OGFRL1: variants seen among roughly 807,000 people sequenced by gnomAD.
OGFRL1 encodes opioid growth factor receptor-like protein 1.
A neutral mutation model predicts 32.4 loss-of-function variants in OGFRL1; 26 were observed. The observed-to-expected ratio is 0.80, with a 90% CI of 0.59 to 1.11. The LOEUF is 1.11. Among genes scored for constraint, OGFRL1 ranks in the 50% most tolerant of loss-of-function variants. The pLI, the probability that OGFRL1 is intolerant of heterozygous loss-of-function variation, is 0.00. For synonymous variants in OGFRL1, 211 were observed against 201.2 expected, an observed-to-expected ratio of 1.05 and a Z score of -0.41; for missense variants, 521 against 546.4, an observed-to-expected ratio of 0.95 and a Z score of 0.46.
chr6:71,297,833 AG>A (rs1304674849), intron 6 of OGFRL1, among the ~76,000 whole-genome samples: 1 of 151,748 alleles, frequency 6.6e-6, no homozygotes, highest in Non-Finnish European at 1.5e-5. Flanking sequence ...TTTAAGTTTT[AG>A]GGTACATGTG....
At chr6:71,299,534 CTA>C (rs2149355758) in intron 6 of OGFRL1, among the ~76,000 whole-genome samples, 1 of 152,220 alleles carries the variant, frequency 6.6e-6, no homozygotes, top group East Asian at 1.9e-4. Flanking sequence ...CTAAGATTGG[CTA>C]TATAAAATTG....
chr6:71,307,010 GTTC>G lies in OGFRL1; in HGVS notation c.*4964_*4966del, dbSNP rs1766571649. 6.6e-6 allele frequency: 1 copy of G among 152,108 alleles called. No homozygotes were observed. The highest frequency in any genetic ancestry group is 2.4e-5 in the African/African-American group (1 of 41,424). 9.4% of individuals were successfully genotyped at this position (152,108 alleles called of 1,614,324 possible). A position where few individuals can be genotyped will look rare whatever the true frequency, so the allele number is the denominator to read the frequency against. ...GCATTTTTCCTAGACTACAGAGAGT[GTTC>G]TTTGTCATTTTTTTTCCTATTCTGT... On this transcript the variant is annotated 3_prime_UTR_variant, in exon 7 of 7. Coordinates refer to ENST00000370435, the MANE Select transcript of OGFRL1 (RefSeq NM_024576.5).
chr6:71,301,357 C>A (rs1766379279), intron 6 of OGFRL1, 29 bp from the exon 7 acceptor site: 4 of 1,509,098 alleles, frequency 2.7e-6, no homozygotes, highest in South Asian at 1.3e-5. Context: ...TGATTTCCCC[C>A]ACTCATTTTA....
In OGFRL1 at chr6:71,306,407, T is replaced by C. The variant is rs1165210276; in HGVS notation, c.*4358T>C. The C allele has an allele frequency of 6.6e-6, 1 of 152,174 alleles. No individual in the cohort carries two copies. The highest frequency in any genetic ancestry group is 1.5e-5 in the Non-Finnish European group (1 of 68,028). 9.4% of individuals were successfully genotyped at this position (152,174 alleles called of 1,614,324 possible). A position where few individuals can be genotyped will look rare whatever the true frequency, so the allele number is the denominator to read the frequency against. ...GCAGATTGTGTTCAGGGACAGAATG[T>C]GTTTTTAGAAATCCCTTATTATTGA... On this transcript the variant is annotated 3_prime_UTR_variant, in exon 7 of 7. Transcript: ENST00000370435.
chr6:71,293,654 C>G, intron 3 of OGFRL1, 43 bp downstream of exon 3: 1 of 1,262,118 alleles, frequency 7.9e-7, no homozygotes, highest in East Asian at 2.3e-5. Flanking sequence ...TAAATAATCA[C>G]ATACACTTGG....
chr6:71,290,686 C>G (rs1766024463), intron 1 of OGFRL1, among the ~76,000 whole-genome samples: 1 of 152,164 alleles, frequency 6.6e-6, no homozygotes, highest in Admixed American at 6.5e-5. Context: ...GTTGTCTATT[C>G]CTCAGAGTCA....
intron 1 of OGFRL1, chr6:71,289,714 C>T (rs1317026258): frequency 1.3e-5 from 13 of 985,204 alleles, no homozygotes; most frequent in Non-Finnish European, 1.6e-5. Context: ...GGCCTTTCAA[C>T]CTAGGATTCA....
intron 6 of OGFRL1, among the ~76,000 whole-genome samples, chr6:71,300,519 G>A (rs947218976): frequency 3.9e-5 from 6 of 152,126 alleles, no homozygotes; most frequent in Admixed American, 3.9e-4. Context: ...AGAATGACCA[G>A]AGATTGAAGA....
intron 6 of OGFRL1, among the ~76,000 whole-genome samples, chr6:71,297,148 A>G (rs1006299533): frequency 1.3e-5 from 2 of 152,114 alleles, no homozygotes; most frequent in East Asian, 3.8e-4. Flanking sequence ...CTTGTGTACA[A>G]TTCTGTGTAT....
chr6:71,300,582 T>G (rs1766350094), intron 6 of OGFRL1, among the ~76,000 whole-genome samples: 1 of 152,212 alleles, frequency 6.6e-6, no homozygotes, highest in African/African-American at 2.4e-5. Flanking sequence ...ATCTCGTATC[T>G]TTAAATGATA....
Position 71,301,448 on chromosome 6 carries a change from A to G in OGFRL1, c.755A>G (p.Glu252Gly), listed in dbSNP as rs1175908829. 13 of 1,610,806 alleles carry G rather than the reference A, an allele frequency of 8.1e-6. No homozygotes were observed. Among genetic ancestry groups the G allele is most frequent in the Non-Finnish European group, 1.0e-5 (12 of 1,179,236 alleles). The change falls in exon 7 of 7, where the codon GAA becomes GGA. Residue 252 changes from glutamate to glycine, a missense_variant. Coordinates refer to ENST00000370435, the MANE Select transcript of OGFRL1 (RefSeq NM_024576.5). ...ILKSLGELGY[E>G]SFKSPLVKFI... ...AAAAGCCTTGGTGAGCTTGGATATG[A>G]AAGTTTTAAATCTCCTCTTGTAAAA...
In OGFRL1 at chr6:71,307,574, A is replaced by T. The variant is rs545395908; in HGVS notation, c.*5525A>T. The stretch of plus-strand genomic sequence containing the variant: ...GTATATTAATATAAAATCTCTTTAT[A>T]AAATGATTCAGAGAAAAGGCAGTAG... On this transcript the variant is annotated 3_prime_UTR_variant, in exon 7 of 7. Transcript: ENST00000370435. The T allele has an allele frequency of 1.3e-5, 2 of 152,302 alleles. No homozygotes were observed. Among genetic ancestry groups the T allele is most frequent in the South Asian group, 4.1e-4 (2 of 4,824 alleles). The allele number at this position is 152,302 out of a possible 1,614,324, so 9.4% of individuals were successfully genotyped here. A position where few individuals can be genotyped will look rare whatever the true frequency, so the allele number is the denominator to read the frequency against.
At chr6:71,296,153 A>G (rs1241873474) in intron 3 of OGFRL1, among the ~76,000 whole-genome samples, 164 bp from the exon 4 acceptor site, 4 of 152,128 alleles carry the variant, frequency 2.6e-5, no homozygotes, top group Admixed American at 6.5e-5. Context: ...TTATCACATA[A>G]CCGAATATAT....
rs1439758810 is a variant in OGFRL1, at chr6:71,303,504, G to C, written c.*1455G>C. 1 of 152,190 alleles carries C rather than the reference G, an allele frequency of 6.6e-6. No homozygotes were observed. The highest frequency in any genetic ancestry group is 2.4e-5 in the African/African-American group (1 of 41,448). The allele number at this position is 152,190 out of a possible 1,614,324, so 9.4% of individuals were successfully genotyped here. ...CTCTATGGCTGTTCCATATAAATTT[G>C]ATGGTTGATTCTGAATGTAAATGAC... On this transcript the variant is annotated 3_prime_UTR_variant, in exon 7 of 7. Transcript: ENST00000370435.
intron 6 of OGFRL1, among the ~76,000 whole-genome samples, chr6:71,301,020 T>C (rs934524671): frequency 2.0e-5 from 3 of 152,248 alleles, no homozygotes; most frequent in Non-Finnish European, 4.4e-5. Context: ...GTACAGTACA[T>C]TGATGTTGGT....
chr6:71,298,764 T>G (rs1766291939), intron 6 of OGFRL1, among the ~76,000 whole-genome samples: 1 of 152,202 alleles, frequency 6.6e-6, no homozygotes, highest in African/African-American at 2.4e-5. Context: ...CAAAAAATCT[T>G]TACTGACTAG....
At position 71,306,297 on chromosome 6, in the gene OGFRL1, C is replaced by T. The variant is rs1336705020; in HGVS notation, c.*4248C>T. The T allele has an allele frequency of 1.3e-5, 2 of 152,068 alleles. No individual in the cohort carries two copies. The highest frequency in any genetic ancestry group is 2.9e-5 in the Non-Finnish European group (2 of 68,018). The allele number at this position is 152,068 out of a possible 1,614,324, so 9.4% of individuals were successfully genotyped here. A position where few individuals can be genotyped will look rare whatever the true frequency, so the allele number is the denominator to read the frequency against. On this transcript the variant is annotated 3_prime_UTR_variant, in exon 7 of 7. Coordinates refer to ENST00000370435, the MANE Select transcript of OGFRL1 (RefSeq NM_024576.5). ...TTTTTGAGTTTTGTACTGTTTATTA[C>T]AGGAACATATTTGTGTGGCTAATCT...
intron 1 of OGFRL1, 74 bp downstream of exon 1, chr6:71,289,244 C>T (rs1765961506): frequency 1.9e-6 from 2 of 1,025,826 alleles, no homozygotes; most frequent in South Asian, 4.4e-5. Context: ...GCCAAGCCGC[C>T]CTCGCGCTCG....
intron 1 of OGFRL1, among the ~76,000 whole-genome samples, chr6:71,292,760 T>C (rs1377420556): frequency 6.6e-6 from 1 of 152,214 alleles, no homozygotes; most frequent in Non-Finnish European, 1.5e-5. Context: ...CATGGTATTA[T>C]AAAGGATGGA....
Sources: gnomAD v4.1 joint callset for allele counts (sites outside exome capture counted in the v4.1 genomes callset) on GRCh38, gnomAD v4.1.1 for gene constraint, MANE v1.5 for transcripts, NCBI Gene and HGNC (gene_info 2026-07-23, HGNC 2026-07-21) for gene names.